PCSK6: variants seen among roughly 807,000 people sequenced by gnomAD.
PCSK6 encodes proprotein convertase subtilisin/kexin type 6, also known as paired basic amino acid cleaving enzyme 4.
A neutral mutation model predicts 123.3 loss-of-function variants in PCSK6; 85 were observed. That is an observed-to-expected ratio of 0.69 (90% CI 0.58 to 0.83). The LOEUF is 0.83. Ranked by LOEUF, PCSK6 falls within the 40% of genes least tolerant of loss-of-function variation. The pLI, the probability that PCSK6 is intolerant of heterozygous loss-of-function variation, is 0.00. For synonymous variants in PCSK6, 508 were observed against 516.0 expected, an observed-to-expected ratio of 0.98 and a Z score of 0.21; for missense variants, 1,191 against 1,282.3, an observed-to-expected ratio of 0.93 and a Z score of 1.09.
intron 13 of PCSK6, among the ~76,000 whole-genome samples, chr15:101,350,483 C>G (rs954455216): frequency 6.6e-6 from 1 of 152,166 alleles, no homozygotes; most frequent in Non-Finnish European, 1.5e-5. Context: ...AATTTTACCC[C>G]TTGGAAAAAT....
chr15:101,387,671 TTTTC>T (rs2042104314), intron 9 of PCSK6, among the ~76,000 whole-genome samples: 1 of 26,398 alleles, frequency 3.8e-5, no homozygotes, highest in African/African-American at 7.4e-5. Context: ...CACGTATGGG[TTTTC>T]CTTCATTCTG....
Position 101,484,129 on chromosome 15 carries a change from A to C in PCSK6, c.297+5245T>G, listed in dbSNP as rs149232733. On this transcript the variant is annotated intron_variant, in intron 1 of 21. Transcript: ENST00000611716. ...AATATACCCTGATACAAAGAAAAAAAGTACAAAATGTCTAGGCACAATTTT... is the reference window on the plus strand; with the variant it reads ...AATATACCCTGATACAAAGAAAAAACGTACAAAATGTCTAGGCACAATTTT... Among the ~76,000 whole-genome samples, 609 of 152,358 alleles carry C rather than the reference A, an allele frequency of 4.0e-3. 10 individuals carry two copies. Among genetic ancestry groups the C allele is most frequent in the East Asian group, 0.022 (116 of 5,190 alleles).
intron 6 of PCSK6, among the ~76,000 whole-genome samples, chr15:101,408,550 G>C (rs79534844): frequency 0.045 from 6,884 of 152,300 alleles, 348 homozygotes; most frequent in African/African-American, 0.12. Context: ...GCTTAGCCTG[G>C]CGATGCTCAG....
chr15:101,320,990 G>A (rs558976763), intron 18 of PCSK6, among the ~76,000 whole-genome samples: 19 of 152,140 alleles, frequency 1.2e-4, no homozygotes, highest in African/African-American at 2.7e-4. Flanking sequence ...AGGATGGGAC[G>A]GGATGCATAA....
chr15:101,313,554 A>C, intron 19 of PCSK6, 49 bp from the exon 20 acceptor site: 1 of 1,555,276 alleles, frequency 6.4e-7, no homozygotes, highest in Non-Finnish European at 8.7e-7. Flanking sequence ...CTGGCAGAAG[A>C]CCATGCCCCA....
chr15:101,470,416 A>G (rs754632614), intron 1 of PCSK6, among the ~76,000 whole-genome samples: 41 of 152,112 alleles, frequency 2.7e-4, no homozygotes, highest in Non-Finnish European at 5.0e-4. Context: ...TCCTTACTTT[A>G]TTTAATTCAC....
At chr15:101,376,664 C>G (rs888702691) in intron 11 of PCSK6, among the ~76,000 whole-genome samples, 5 of 152,178 alleles carry the variant, frequency 3.3e-5, no homozygotes, top group South Asian at 2.1e-4. Flanking sequence ...AAATAAGTAG[C>G]CTTTACAATT....
chr15:101,468,375 C>T (rs1222575574), intron 1 of PCSK6, among the ~76,000 whole-genome samples: 1 of 152,206 alleles, frequency 6.6e-6, no homozygotes, highest in African/African-American at 2.4e-5. Flanking sequence ...GTTTAAGCCA[C>T]TATCATCTAC....
At chr15:101,310,169 G>T (rs761314705) in intron 20 of PCSK6, among the ~76,000 whole-genome samples, 3 of 151,782 alleles carry the variant, frequency 2.0e-5, no homozygotes, top group Non-Finnish European at 2.9e-5. Context: ...CCTTTGGGAG[G>T]CGTCCACACT....
At chr15:101,374,792 G>A (rs58940688) in intron 11 of PCSK6, among the ~76,000 whole-genome samples, 3,936 of 152,296 alleles carry the variant, frequency 0.026, 196 homozygotes, top group African/African-American at 0.089. Flanking sequence ...CACAGTGCCC[G>A]TGTGAAGGTG....
At position 101,346,836 on chromosome 15, in the gene PCSK6, A is replaced by C. The variant is rs1057071577; in HGVS notation, c.1859-14805T>G. 5 of 1,231,568 alleles carry C rather than the reference A, an allele frequency of 4.1e-6. No individual in the cohort carries two copies. The African/African-American group carries it at 4.7e-5, about 11-fold the overall frequency. 76.3% of individuals were successfully genotyped at this position (1,231,568 alleles called of 1,614,324 possible). A position where few individuals can be genotyped will look rare whatever the true frequency, so the allele number is the denominator to read the frequency against. ...TCTACTGGAGATACAGAACCGACTA[A>C]ACAATACTGTGATTCATAAATGTGC... On this transcript the variant is annotated intron_variant, in intron 13 of 21. Coordinates refer to ENST00000611716, the MANE Select transcript of PCSK6 (RefSeq NM_002570.5).
At chr15:101,349,619 G>A (rs981638452) in intron 13 of PCSK6, among the ~76,000 whole-genome samples, 1 of 152,138 alleles carries the variant, frequency 6.6e-6, no homozygotes, top group Non-Finnish European at 1.5e-5. Flanking sequence ...AGGAGCCTGG[G>A]CTTCTGTGAC....
At chr15:101,449,827 G>T (rs2141171105) in intron 1 of PCSK6, among the ~76,000 whole-genome samples, 1 of 152,164 alleles carries the variant, frequency 6.6e-6, no homozygotes, top group East Asian at 1.9e-4. Context: ...ACCAATCCTG[G>T]GTCCTTCCAG....
intron 1 of PCSK6, among the ~76,000 whole-genome samples, chr15:101,461,934 C>T (rs985047654): frequency 4.6e-5 from 7 of 152,146 alleles, no homozygotes; most frequent in East Asian, 1.9e-4. Context: ...AAAATCAATG[C>T]TTTTATTCAT....
intron 18 of PCSK6, among the ~76,000 whole-genome samples, chr15:101,319,622 G>A (rs1274176287): frequency 6.6e-6 from 1 of 152,210 alleles, no homozygotes; most frequent in Non-Finnish European, 1.5e-5. Flanking sequence ...GAGAGGGGCT[G>A]AAGGCTGAAT....
chr15:101,489,097 C>CA (rs2141289464), intron 1 of PCSK6, among the ~76,000 whole-genome samples: 2 of 148,636 alleles, frequency 1.3e-5, no homozygotes, highest in African/African-American at 4.9e-5. Context: ...GGTTGGGCGG[C>CA]ACTGCCGGGG....
At chr15:101,406,937 C>G (rs554609133) in intron 6 of PCSK6, among the ~76,000 whole-genome samples, 1 of 152,194 alleles carries the variant, frequency 6.6e-6, no homozygotes, top group Non-Finnish European at 1.5e-5. Flanking sequence ...GAGATGAGGT[C>G]TGTCCCAGGT....
At chr15:101,442,072 C>G (rs1392262338) in intron 2 of PCSK6, among the ~76,000 whole-genome samples, 1 of 152,180 alleles carries the variant, frequency 6.6e-6, no homozygotes, top group Non-Finnish European at 1.5e-5. Flanking sequence ...GGAGCAACTA[C>G]AATCTGGCTT....
chr15:101,473,105 C>T (rs560524061), intron 1 of PCSK6, among the ~76,000 whole-genome samples: 66 of 152,280 alleles, frequency 4.3e-4, no homozygotes, highest in African/African-American at 1.4e-3. Flanking sequence ...GACAGAGTCT[C>T]GCTCTGTCAC....
Sources: allele counts gnomAD v4.1 joint callset (sites outside exome capture counted in the v4.1 genomes callset), GRCh38; gene constraint gnomAD v4.1.1; transcripts MANE v1.5; gene names NCBI Gene and HGNC (gene_info 2026-07-23, HGNC 2026-07-21).